UNC5B: variants seen among roughly 807,000 people sequenced by gnomAD.
UNC5B encodes the protein netrin receptor UNC5B.
UNC5B carries 56 observed loss-of-function variants against 103.7 expected under a neutral mutation model. The observed-to-expected ratio is 0.54, with a 90% CI of 0.44 to 0.67. UNC5B has a LOEUF of 0.67. Among genes scored for constraint, UNC5B ranks in the 30% least tolerant of loss-of-function variants. The probability of loss-of-function intolerance (pLI) is 0.00; values close to 1 mark genes in which losing one functional copy is unlikely to be tolerated. For synonymous variants in UNC5B, 577 were observed against 542.0 expected (o/e 1.06, Z -0.90); for missense variants, 1,194 against 1,284.5 (o/e 0.93, Z 1.08).
Position 71,298,090 on chromosome 10 carries a change from G to C in UNC5B, c.2672G>C (p.Arg891Pro). The C allele has an allele frequency of 6.2e-7, 1 of 1,600,458 alleles. No individual in the cohort carries two copies. The highest frequency in any genetic ancestry group is 8.5e-7 in the Non-Finnish European group (1 of 1,173,878). Residue 891 changes from arginine (R) to proline (P), a missense_variant and splice_region_variant, in exon 16 of 17, where the codon CGG becomes CCG. Coordinates refer to ENST00000335350, the MANE Select transcript of UNC5B (RefSeq NM_170744.5). ...RMLAQKLSMDRYLNYFATKAS... is the reference protein window; with the variant it reads ...RMLAQKLSMDPYLNYFATKAS... ...TTAGCACAGAAGCTCTCTATGGACC[G>C]GTGAGTATCCCAAACCACAGCCCAT...
chr10:71,261,774 A>G (rs1218255553), intron 1 of UNC5B, among the ~76,000 whole-genome samples: 2 of 152,144 alleles, frequency 1.3e-5, no homozygotes, highest in African/African-American at 4.8e-5. Flanking sequence ...ACTGGGGGCA[A>G]GTTATTTTAA....
At chr10:71,229,532 G>A (rs1372101439) in intron 1 of UNC5B, among the ~76,000 whole-genome samples, 1 of 152,170 alleles carries the variant, frequency 6.6e-6, no homozygotes, top group African/African-American at 2.4e-5. Flanking sequence ...CAAGGGAAAG[G>A]GGTCGCTGGA....
chr10:71,287,680 C>A lies in UNC5B; in HGVS notation c.816C>A (p.Thr272=), dbSNP rs1845128002. Reference sequence around the variant, plus strand: ...GAGGCTGGCAGAAGCGCACCCGGACCTGCACCAACCCCGCTCCACTCAACG... The same window carrying A: ...GAGGCTGGCAGAAGCGCACCCGGACATGCACCAACCCCGCTCCACTCAACG... The part of the protein sequence containing the change: ...CGRGWQKRTR[T]CTNPAPLNGG... Residue 272 remains threonine, a synonymous_variant, in exon 6 of 17, where the codon ACC becomes ACA. Transcript: ENST00000335350. The A allele has an allele frequency of 1.2e-6, 2 of 1,613,238 alleles. No homozygotes were observed. Among genetic ancestry groups the A allele is most frequent in the Non-Finnish European group, 1.7e-6 (2 of 1,179,700 alleles).
At chr10:71,286,944 C>T in intron 5 of UNC5B, 75 bp downstream of exon 5, 1 of 1,557,532 alleles carries the variant, frequency 6.4e-7, no homozygotes, top group South Asian at 1.2e-5. Context: ...AGGGGGGACC[C>T]CTGGATTGGT....
In UNC5B at chr10:71,225,748, T is replaced by C. The variant is rs544348280; in HGVS notation, c.79+12684T>C. Among the ~76,000 whole-genome samples the C allele has an allele frequency of 2.6e-3, 399 of 152,244 alleles. 2 individuals carry two copies. The highest frequency in any genetic ancestry group is 9.1e-3 in the African/African-American group (380 of 41,566). ...GACCAGTCTTCACTCTCTGAGTTGC[T>C]CCCACACTGTTCAGAGCCTGAGACG... is the stretch of plus-strand genomic sequence containing the variant. On this transcript the variant is annotated intron_variant, in intron 1 of 16. Coordinates refer to ENST00000335350, the MANE Select transcript of UNC5B (RefSeq NM_170744.5).
rs1005519044 is a variant in UNC5B, at chr10:71,212,608, C to A, written c.-378C>A. The A allele has an allele frequency of 6.1e-6, 1 of 164,218 alleles. No homozygotes were observed. The highest frequency in any genetic ancestry group is 1.7e-4 in the East Asian group (1 of 5,930). 10.2% of individuals were successfully genotyped at this position (164,218 alleles called of 1,614,324 possible). A position where few individuals can be genotyped will look rare whatever the true frequency, so the allele number is the denominator to read the frequency against. ...GCTGGGGCCGGCTAGGGCGCCGGAG[C>A]CGCACGCAGCCGCGGGGCTCCGAGA... is the stretch of plus-strand genomic sequence containing the variant. On this transcript the variant is annotated 5_prime_UTR_variant, in exon 1 of 17. Transcript: ENST00000335350.
In UNC5B at chr10:71,237,878, G is replaced by T. The variant is rs569045119; in HGVS notation, c.79+24814G>T. On this transcript the variant is annotated intron_variant, in intron 1 of 16. Transcript: ENST00000335350. ...TTCCCTCATTGGTGATGAGCCAGGT[G>T]AGCCTGGGGGAAGAGGTGTGGTACC... Among the ~76,000 whole-genome samples the T allele has an allele frequency of 5.9e-5, 9 of 152,340 alleles. 1 individual carries two copies. In the South Asian group the frequency reaches 1.9e-3, roughly 32 times the overall value.
chr10:71,234,926 G>A (rs1348042233), intron 1 of UNC5B, among the ~76,000 whole-genome samples: 1 of 152,142 alleles, frequency 6.6e-6, no homozygotes, highest in Non-Finnish European at 1.5e-5. Flanking sequence ...GACAGGATTT[G>A]GCATCCAGAT....
chr10:71,296,359 G>A (rs1845412211), intron 14 of UNC5B, among the ~76,000 whole-genome samples: 1 of 152,008 alleles, frequency 6.6e-6, no homozygotes. Flanking sequence ...ACACACACCT[G>A]TGCCTTTCCC....
At chr10:71,236,957 C>T in intron 1 of UNC5B, among the ~76,000 whole-genome samples, 1 of 152,254 alleles carries the variant, frequency 6.6e-6, no homozygotes, top group East Asian at 1.9e-4. Context: ...ACATTTTCTC[C>T]AGCTCAGAGG....
chr10:71,298,996 G>A, intron 16 of UNC5B, 116 bp from the exon 17 acceptor site: 1 of 1,368,694 alleles, frequency 7.3e-7, no homozygotes, highest in South Asian at 1.3e-5. Flanking sequence ...TCAGACCCAG[G>A]ACAGTGGGAC....
intron 1 of UNC5B, among the ~76,000 whole-genome samples, chr10:71,234,563 C>T (rs1843739813): frequency 6.6e-6 from 1 of 152,188 alleles, no homozygotes; most frequent in African/African-American, 2.4e-5. Context: ...AGCAGGGAGC[C>T]CCTGGGGTGG....
Position 71,213,012 on chromosome 10 carries a change from C to CGCGCTGCTGCTG in UNC5B, c.30_41dup (p.Ala14_Leu17dup). The CGCGCTGCTGCTG allele has an allele frequency of 7.1e-7, 1 of 1,413,940 alleles. No individual in the cohort carries two copies. The highest frequency in any genetic ancestry group is 9.3e-7 in the Non-Finnish European group (1 of 1,077,688). The allele number at this position is 1,413,940 out of a possible 1,614,324, so 87.6% of individuals were successfully genotyped here. A position where few individuals can be genotyped will look rare whatever the true frequency, so the allele number is the denominator to read the frequency against. On this transcript the variant is annotated inframe_insertion, in exon 1 of 17. Transcript: ENST00000335350. This position sits in a 1 kb window ranked among gnomAD's most constrained non-coding sequence, Gnocchi z 4.1. ...TGGGGGCCCGGAGCGGAGCTCGGGG[C>CGCGCTGCTGCTG]GCGCTGCTGCTGGCACTGCTGCTCT...
rs140723558 is a variant in UNC5B, at chr10:71,284,723, T to G, written c.308T>G (p.Leu103Arg). Residue 103 changes from leucine (L) to arginine (R), a missense_variant, in exon 3 of 17, where the codon CTG becomes CGG. Physicochemically the swap from Leu to Arg is moderately radical, Grantham distance 102 (BLOSUM62 -2). Transcript: ENST00000335350. ...TQEGLDEATG[L>R]RVREVQIEVS... ...CGGCTCTCTCTTCTCCTCCCAGGCC[T>G]GCGGGTGCGCGAGGTGCAGATCGAG... is the stretch of plus-strand genomic sequence containing the variant. 17 of 1,613,656 alleles carry G rather than the reference T, an allele frequency of 1.1e-5. No individual in the cohort carries two copies. Among genetic ancestry groups the G allele is most frequent in the Non-Finnish European group, 1.4e-5 (17 of 1,179,990 alleles).
intron 1 of UNC5B, among the ~76,000 whole-genome samples, chr10:71,220,292 A>G (rs547564700): frequency 4.6e-5 from 7 of 152,206 alleles, no homozygotes; most frequent in Non-Finnish European, 8.8e-5. Context: ...GGGTGGAGAC[A>G]TGGGGAGGTA....
At chr10:71,272,469 G>A (rs1490005960) in intron 1 of UNC5B, among the ~76,000 whole-genome samples, 1 of 152,126 alleles carries the variant, frequency 6.6e-6, no homozygotes, top group Non-Finnish European at 1.5e-5. Context: ...CTCCGCCCTG[G>A]GCAACAGGGC....
chr10:71,268,761 T>A (rs1306541631), intron 1 of UNC5B, among the ~76,000 whole-genome samples: 1 of 152,188 alleles, frequency 6.6e-6, no homozygotes, highest in Admixed American at 6.5e-5. Flanking sequence ...CATGGGGATG[T>A]AAGCACTGTC....
At chr10:71,259,385 C>CAA (rs57245329) in intron 1 of UNC5B, among the ~76,000 whole-genome samples, 22 of 90,318 alleles carry the variant, frequency 2.4e-4, no homozygotes, top group African/African-American at 5.0e-4. Flanking sequence ...GACTCCATCT[C>CAA]AAAAAAAAAA....
intron 1 of UNC5B, among the ~76,000 whole-genome samples, chr10:71,247,638 T>C (rs2132266443): frequency 6.6e-6 from 1 of 152,266 alleles, no homozygotes; most frequent in African/African-American, 2.4e-5. Context: ...AGTCTGGGCC[T>C]TCCTCAGCTG....
Sources: allele counts gnomAD v4.1 joint callset (sites outside exome capture counted in the v4.1 genomes callset), GRCh38; gene constraint gnomAD v4.1.1; non-coding constraint Gnocchi (gnomAD v3.1); transcripts MANE v1.5; gene names NCBI Gene and HGNC (gene_info 2026-07-23, HGNC 2026-07-21).